Variants in TBC1D9 observed in about 807,000 individuals in gnomAD.
TBC1D9 encodes TBC1 domain family member 9.
In TBC1D9, 63 loss-of-function variants were observed where a neutral mutation model predicts 132.0. That is an observed-to-expected ratio of 0.48 (90% CI 0.39 to 0.59). TBC1D9 has a LOEUF of 0.59. Among genes scored for constraint, TBC1D9 ranks in the 20% least tolerant of loss-of-function variants. TBC1D9 has a pLI of 0.00. For missense variants in TBC1D9, 1,261 were observed against 1,592.7 expected (o/e 0.79, Z 3.54); for synonymous variants, 610 against 609.9 (o/e 1.00, Z 0.00).
chr4:140,688,587 C>T (rs1451081095), intron 2 of TBC1D9, among the ~76,000 whole-genome samples: 5 of 151,922 alleles, frequency 3.3e-5, no homozygotes, highest in Non-Finnish European at 7.4e-5. Context: ...GAGGATAGCT[C>T]GAACCCAAGA....
chr4:140,674,973 T>C (rs1425090021), intron 6 of TBC1D9, among the ~76,000 whole-genome samples: 1 of 152,104 alleles, frequency 6.6e-6, no homozygotes, highest in African/African-American at 2.4e-5. Context: ...CTTCCCAAAT[T>C]TCTGGGATTA....
intron 1 of TBC1D9, among the ~76,000 whole-genome samples, chr4:140,702,881 C>T (rs1738093795): frequency 1.3e-5 from 2 of 152,088 alleles, no homozygotes. Context: ...TCAGAAGGAC[C>T]AATCAGGAGC....
rs565026676 is a variant in TBC1D9, at chr4:140,754,135, A to T, written c.130+1781T>A. Among the ~76,000 whole-genome samples, 18 of 152,368 alleles carry T rather than the reference A, an allele frequency of 1.2e-4. No homozygotes were observed. The East Asian group carries it at 3.3e-3, about 28-fold the overall frequency. ...AGTTATAGCTCTAAGAACCAGTAGG[A>T]ACACAATACAAATGTTAAGCAGAAA... is the stretch of plus-strand genomic sequence containing the variant. On this transcript the variant is annotated intron_variant, in intron 1 of 20. Transcript: ENST00000442267.
intron 16 of TBC1D9, among the ~76,000 whole-genome samples, chr4:140,631,921 G>C (rs1039857235): frequency 3.3e-5 from 5 of 152,112 alleles, no homozygotes; most frequent in Non-Finnish European, 7.4e-5. Context: ...TTTAAACACA[G>C]ACAGAATTTC....
intron 2 of TBC1D9, among the ~76,000 whole-genome samples, chr4:140,688,548 G>A (rs926544492): frequency 2.0e-5 from 3 of 152,080 alleles, no homozygotes; most frequent in African/African-American, 7.2e-5. Context: ...CACACCCATA[G>A]TTCCTAGCTA....
intron 13 of TBC1D9, among the ~76,000 whole-genome samples, chr4:140,640,033 A>G (rs965194350): frequency 2.8e-4 from 43 of 152,240 alleles, no homozygotes; most frequent in Admixed American, 8.5e-4. Context: ...CAAAAGAAAG[A>G]CAAAGAAACC....
At chr4:140,640,492 T>C (rs1432700984) in intron 13 of TBC1D9, among the ~76,000 whole-genome samples, 1 of 151,978 alleles carries the variant, frequency 6.6e-6, no homozygotes, top group Non-Finnish European at 1.5e-5. Flanking sequence ...TCTGTGGTCT[T>C]GTACCTGTGA....
At chr4:140,639,566 T>A in intron 13 of TBC1D9, 138 bp from the exon 14 acceptor site, 1 of 619,468 alleles carries the variant, frequency 1.6e-6, no homozygotes, top group East Asian at 2.8e-5. Context: ...AGTACACCTT[T>A]AGCTACTGTT....
At chr4:140,699,842 A>C (rs897932374) in intron 2 of TBC1D9, among the ~76,000 whole-genome samples, 1 of 152,264 alleles carries the variant, frequency 6.6e-6, no homozygotes, top group Admixed American at 6.5e-5. Context: ...ATAATAGAGG[A>C]AACTCTGCAT....
intron 16 of TBC1D9, among the ~76,000 whole-genome samples, chr4:140,629,383 T>C (rs1036855059): frequency 3.9e-5 from 6 of 152,198 alleles, no homozygotes; most frequent in Non-Finnish European, 7.3e-5. Context: ...CTTTATCAGA[T>C]CTCAAAGAGT....
intron 2 of TBC1D9, among the ~76,000 whole-genome samples, chr4:140,687,342 T>TGTGA (rs1560885798): frequency 1.8e-5 from 1 of 54,536 alleles, no homozygotes; most frequent in Non-Finnish European, 3.6e-5. Flanking sequence ...TGTGTGTGTG[T>TGTGA]CATATATATA....
intron 13 of TBC1D9, among the ~76,000 whole-genome samples, chr4:140,652,328 C>A (rs1410853180): frequency 1.3e-5 from 2 of 151,990 alleles, no homozygotes; most frequent in African/African-American, 4.8e-5. Flanking sequence ...CCATATACAA[C>A]CACACTATCT....
chr4:140,717,170 T>C (rs1738347544), intron 1 of TBC1D9, among the ~76,000 whole-genome samples: 3 of 152,186 alleles, frequency 2.0e-5, no homozygotes, highest in Admixed American at 1.3e-4. Context: ...TACATCACCC[T>C]AAATAAAAGT....
At chr4:140,724,165 C>T (rs543638228) in intron 1 of TBC1D9, among the ~76,000 whole-genome samples, 1 of 152,112 alleles carries the variant, frequency 6.6e-6, no homozygotes, top group African/African-American at 2.4e-5. Flanking sequence ...ACCAAACAGG[C>T]CTGATTAATG....
At chr4:140,626,700 T>C (rs1167574724) in intron 18 of TBC1D9, among the ~76,000 whole-genome samples, 2 of 152,212 alleles carry the variant, frequency 1.3e-5, no homozygotes, top group Non-Finnish European at 2.9e-5. Flanking sequence ...TGGAGACATA[T>C]ATGAGTTGAA....
Position 140,622,140 on chromosome 4 carries a change from A to T in TBC1D9, c.*55T>A. 1 of 1,507,818 alleles carries T rather than the reference A, an allele frequency of 6.6e-7. No homozygotes were observed. Among genetic ancestry groups the T allele is most frequent in the Non-Finnish European group, 8.9e-7 (1 of 1,127,742 alleles). The allele number at this position is 1,507,818 out of a possible 1,614,324, so 93.4% of individuals were successfully genotyped here. A position where few individuals can be genotyped will look rare whatever the true frequency, so the allele number is the denominator to read the frequency against. The stretch of plus-strand genomic sequence containing the variant: ...GAAAGAAAAAACTCAACACAGAAGA[A>T]CATAAAAAATCCCTCCCCTCCCTCT... On this transcript the variant is annotated 3_prime_UTR_variant, in exon 21 of 21. Transcript: ENST00000442267.
intron 18 of TBC1D9, among the ~76,000 whole-genome samples, chr4:140,627,231 G>A (rs1436709220): frequency 6.6e-6 from 1 of 152,140 alleles, no homozygotes; most frequent in Non-Finnish European, 1.5e-5. Flanking sequence ...TAACCTACTG[G>A]GAAACAATGT....
Position 140,674,597 on chromosome 4 carries a change from T to C in TBC1D9, c.1059+2297A>G, listed in dbSNP as rs114141641. Among the ~76,000 whole-genome samples the C allele has an allele frequency of 7.3e-3, 1,112 of 152,030 alleles. 7 individuals carry two copies. The highest frequency in any genetic ancestry group is 0.025 in the African/African-American group (1,023 of 41,514). ...TCATGGGACTAAGGCAGGAGGCTCATTTGAGCCTAGGAGCTCATGTCTAGT... is the reference window on the plus strand; with the variant it reads ...TCATGGGACTAAGGCAGGAGGCTCACTTGAGCCTAGGAGCTCATGTCTAGT... On this transcript the variant is annotated intron_variant, in intron 6 of 20. Transcript: ENST00000442267.
intron 1 of TBC1D9, among the ~76,000 whole-genome samples, chr4:140,744,847 C>G (rs184451164): frequency 1.4e-5 from 2 of 144,822 alleles, no homozygotes; most frequent in African/African-American, 5.1e-5. Context: ...CTTGCCACTG[C>G]ACTCCAGCCT....
Sources: allele counts gnomAD v4.1 joint callset (sites outside exome capture counted in the v4.1 genomes callset), GRCh38; gene constraint gnomAD v4.1.1; transcripts MANE v1.5; gene names NCBI Gene and HGNC (gene_info 2026-07-23, HGNC 2026-07-21).